CMIP: variants seen among roughly 807,000 people sequenced by gnomAD.
CMIP encodes the protein C-Maf-inducing protein.
CMIP carries 13 observed loss-of-function variants against 97.3 expected under a neutral mutation model. The observed-to-expected ratio is 0.13, with a 90% CI of 0.09 to 0.21. The LOEUF is 0.21. CMIP is among the 10% of genes least tolerant of loss of function. The pLI, the probability that CMIP is intolerant of heterozygous loss-of-function variation, is 1.00. For synonymous variants in CMIP, 538 were observed against 436.3 expected (o/e 1.23, Z -2.91); for missense variants, 847 against 1,024.9 (o/e 0.83, Z 2.37).
At chr16:81,504,641 CAAAAAAAAAA>C (rs149715666) in intron 1 of CMIP, among the ~76,000 whole-genome samples, 2 of 71,986 alleles carry the variant, frequency 2.8e-5, no homozygotes, top group African/African-American at 6.7e-5. Flanking sequence ...AGACTCGTCT[CAAAAAAAAAA>C]AAAAAAAAAA....
chr16:81,664,664 A>C, intron 7 of CMIP: 2 of 562,160 alleles, frequency 3.6e-6, no homozygotes, highest in Non-Finnish European at 3.1e-6. Flanking sequence ...AAGGACCCAG[A>C]GCGCGACTTT....
intron 1 of CMIP, among the ~76,000 whole-genome samples, chr16:81,590,174 G>A (rs900337850): frequency 1.3e-5 from 2 of 152,150 alleles, no homozygotes; most frequent in Admixed American, 6.5e-5. Flanking sequence ...GAATGACCAC[G>A]CCCCTCTGAG....
intron 1 of CMIP, among the ~76,000 whole-genome samples, chr16:81,551,863 C>T (rs2090664649): frequency 6.6e-6 from 1 of 152,204 alleles, no homozygotes; most frequent in Non-Finnish European, 1.5e-5. Context: ...CATGCATCCT[C>T]AGATGGGTGA....
chr16:81,476,143 G>A (rs1597460499), intron 1 of CMIP: 2 of 1,033,464 alleles, frequency 1.9e-6, no homozygotes, highest in South Asian at 1.3e-5. Context: ...CGGAGACCAC[G>A]TGCTTGCGTT....
At chr16:81,623,423 C>T (rs2092018850) in intron 3 of CMIP, among the ~76,000 whole-genome samples, 1 of 152,214 alleles carries the variant, frequency 6.6e-6, no homozygotes, top group Non-Finnish European at 1.5e-5. Flanking sequence ...TGGCAGATGC[C>T]TGGGTGTGTG....
chr16:81,537,012 C>G (rs1333318315), intron 1 of CMIP, among the ~76,000 whole-genome samples: 1 of 152,192 alleles, frequency 6.6e-6, no homozygotes, highest in Non-Finnish European at 1.5e-5. Flanking sequence ...AACTCCACAT[C>G]TGTGCAGTTG....
At chr16:81,475,092 G>C (rs1262721670) in intron 1 of CMIP, among the ~76,000 whole-genome samples, 2 of 152,126 alleles carry the variant, frequency 1.3e-5, no homozygotes, top group Non-Finnish European at 2.9e-5. Flanking sequence ...TGGAGAGGAG[G>C]GTGGGCCATG....
chr16:81,669,513 C>T lies in CMIP; in HGVS notation c.826-629C>T, dbSNP rs1158611862. ...ACCTCCTTCCACATCCACCTCACAC[C>T]TCCACACCCACCTCTCACACTCACC... On this transcript the variant is annotated intron_variant, in intron 7 of 20. Transcript: ENST00000537098. 3.5e-5 allele frequency among the ~76,000 whole-genome samples: 5 copies of T among 140,884 alleles called. No individual in the cohort carries two copies. The East Asian group carries it at 1.1e-3, about 32-fold the overall frequency. 92.4% of individuals were successfully genotyped at this position (140,884 alleles called of 152,430 possible).
At position 81,558,327 on chromosome 16, in the gene CMIP, C is replaced by T. The variant is rs1204429685; in HGVS notation, c.301-49240C>T. Reference sequence around the variant, plus strand: ...CTCTCGGCCGTTACAGATAGTGCTGCAGTGAACGTAGGTTTACAGGTATCA... The same window carrying T: ...CTCTCGGCCGTTACAGATAGTGCTGTAGTGAACGTAGGTTTACAGGTATCA... On this transcript the variant is annotated intron_variant, in intron 1 of 20. Transcript: ENST00000537098. Among the ~76,000 whole-genome samples, 6 of 152,228 alleles carry T rather than the reference C, an allele frequency of 3.9e-5. No homozygotes were observed. The East Asian group carries it at 9.6e-4, about 24-fold the overall frequency.
chr16:81,509,305 C>T (rs550295603), intron 1 of CMIP, among the ~76,000 whole-genome samples: 3 of 152,258 alleles, frequency 2.0e-5, no homozygotes, highest in Admixed American at 6.5e-5. Context: ...GAGAGCCCAC[C>T]GGAATGATGC....
At chr16:81,606,269 A>G (rs1260715270) in intron 1 of CMIP, among the ~76,000 whole-genome samples, 8 of 152,192 alleles carry the variant, frequency 5.3e-5, no homozygotes, top group Non-Finnish European at 7.3e-5. Flanking sequence ...TTCCTTGTCT[A>G]TATGATGGGA....
intron 3 of CMIP, among the ~76,000 whole-genome samples, chr16:81,648,591 C>T (rs1035468319): frequency 1.3e-5 from 2 of 151,928 alleles, no homozygotes; most frequent in Admixed American, 6.6e-5. Flanking sequence ...CAAGACCAGC[C>T]TGGCCAACAT....
intron 1 of CMIP, among the ~76,000 whole-genome samples, chr16:81,514,291 C>T (rs1274759187): frequency 6.6e-6 from 1 of 152,148 alleles, no homozygotes; most frequent in Non-Finnish European, 1.5e-5. Flanking sequence ...AAAGCTTCCC[C>T]TTTGTGGGGG....
At chr16:81,670,401 C>T (rs1257179807) in intron 8 of CMIP, among the ~76,000 whole-genome samples, 156 bp downstream of exon 8, 4 of 152,138 alleles carry the variant, frequency 2.6e-5, no homozygotes, top group South Asian at 2.1e-4. Context: ...GATAGGAACT[C>T]GGACACACTG....
At chr16:81,606,560 T>C (rs2091747532) in intron 1 of CMIP, among the ~76,000 whole-genome samples, 1 of 152,128 alleles carries the variant, frequency 6.6e-6, no homozygotes, top group Admixed American at 6.5e-5. Flanking sequence ...GCCCCGCCCC[T>C]ACTCCCAACA....
At chr16:81,553,600 A>G (rs1597550567) in intron 1 of CMIP, among the ~76,000 whole-genome samples, 2 of 152,332 alleles carry the variant, frequency 1.3e-5, no homozygotes, top group East Asian at 3.9e-4. Flanking sequence ...GAGGGTGCTC[A>G]GGCCAAGGGG....
At chr16:81,449,004 A>G (rs1473970844) in intron 1 of CMIP, among the ~76,000 whole-genome samples, 2 of 152,342 alleles carry the variant, frequency 1.3e-5, no homozygotes, top group East Asian at 1.9e-4. Flanking sequence ...GTTCGGCAGG[A>G]CCAGAATCCA....
In CMIP at chr16:81,485,459, C is replaced by T. The variant is rs138238022; in HGVS notation, c.300+39918C>T. Among the ~76,000 whole-genome samples, 529 of 152,284 alleles carry T rather than the reference C, an allele frequency of 3.5e-3. 5 individuals are homozygous for T. The highest frequency in any genetic ancestry group is 0.012 in the African/African-American group (498 of 41,550). ...TTCATGAAAATGCAAACCAGCTGTG[C>T]CTGTGGACTGCTGGACGTCCCAGCT... is the stretch of plus-strand genomic sequence containing the variant. On this transcript the variant is annotated intron_variant, in intron 1 of 20. Transcript: ENST00000537098.
intron 1 of CMIP, among the ~76,000 whole-genome samples, chr16:81,470,557 G>A (rs556315352): frequency 8.5e-5 from 13 of 152,358 alleles, no homozygotes; most frequent in African/African-American, 2.6e-4. Context: ...CTGGAGGTTC[G>A]AGTCCACCAC....
Sources: gnomAD v4.1 joint callset for allele counts (sites outside exome capture counted in the v4.1 genomes callset) on GRCh38, gnomAD v4.1.1 for gene constraint, MANE v1.5 for transcripts, NCBI Gene and HGNC (gene_info 2026-07-23, HGNC 2026-07-21) for gene names.